Variants in CNTNAP4 observed in about 807,000 individuals in gnomAD.
The protein encoded by CNTNAP4 is contactin-associated protein-like 4.
In CNTNAP4, 98 loss-of-function variants were observed where a neutral mutation model predicts 148.4. The ratio of observed to expected loss-of-function variants is 0.66; its 90% CI spans 0.56 to 0.78. The LOEUF is 0.78. CNTNAP4 is among the 30% of genes least tolerant of loss of function. The pLI is 0.00. For synonymous variants in CNTNAP4, 730 were observed against 565.1 expected (o/e 1.29, Z -4.14); for missense variants, 1,935 against 1,565.6 (o/e 1.24, Z -3.98).
intron 3 of CNTNAP4, among the ~76,000 whole-genome samples, chr16:76,371,724 T>C (rs2014846753): frequency 6.6e-6 from 1 of 152,232 alleles, no homozygotes; most frequent in Non-Finnish European, 1.5e-5. Context: ...ATTTCACTGA[T>C]GGTTTCCTTG....
chr16:76,404,465 G>C (rs7205910), intron 3 of CNTNAP4, among the ~76,000 whole-genome samples: 3,817 of 151,696 alleles, frequency 0.025, 132 homozygotes, highest in African/African-American at 0.078. Flanking sequence ...CACACAAAGA[G>C]GTCAATATTG....
chr16:76,555,766 T>G (rs1361488717), intron 23 of CNTNAP4, among the ~76,000 whole-genome samples: 1 of 152,238 alleles, frequency 6.6e-6, no homozygotes, highest in Non-Finnish European at 1.5e-5. Context: ...TGTGAAATTC[T>G]CACTTAGCTC....
rs1405619076 is a variant in CNTNAP4 at position 76,539,715 on chromosome 16, C to G, written c.3221-4C>G. On this transcript the variant is annotated splice_polypyrimidine_tract_variant and splice_region_variant and intron_variant, in intron 19 of 23. Coordinates refer to ENST00000611870, the MANE Select transcript of CNTNAP4 (RefSeq NM_033401.5). ...AAAAGAATCACAATTTTTCCCCACT[C>G]TAGGAAGTTTGCAGATCAGGTACAA... 1 of 1,588,888 alleles carries G rather than the reference C, an allele frequency of 6.3e-7. No homozygotes were observed. Among genetic ancestry groups the G allele is most frequent in the Non-Finnish European group, 8.5e-7 (1 of 1,172,060 alleles).
chr16:76,524,878 C>G (rs1161083061), intron 17 of CNTNAP4, among the ~76,000 whole-genome samples: 1 of 151,930 alleles, frequency 6.6e-6, no homozygotes, highest in African/African-American at 2.4e-5. Context: ...TAATAAAAAT[C>G]TGTTTATGCA....
intron 12 of CNTNAP4, among the ~76,000 whole-genome samples, chr16:76,482,771 G>A (rs190232239): frequency 1.3e-5 from 2 of 152,288 alleles, no homozygotes; most frequent in African/African-American, 4.8e-5. Flanking sequence ...CAAATGCCCA[G>A]ACAGCACTGC....
At chr16:76,388,530 A>G (rs376393098) in intron 3 of CNTNAP4, among the ~76,000 whole-genome samples, 2 of 152,246 alleles carry the variant, frequency 1.3e-5, no homozygotes, top group Non-Finnish European at 2.9e-5. Flanking sequence ...CAATTCACAC[A>G]AGGTAAAATG....
At chr16:76,441,389 C>A (rs1018100610) in intron 4 of CNTNAP4, among the ~76,000 whole-genome samples, 2 of 152,140 alleles carry the variant, frequency 1.3e-5, no homozygotes, top group African/African-American at 4.8e-5. Flanking sequence ...GCTCTTAATT[C>A]CATGGCAGAT....
intron 20 of CNTNAP4, among the ~76,000 whole-genome samples, chr16:76,540,124 T>C (rs2084386902): frequency 6.6e-6 from 1 of 152,174 alleles, no homozygotes; most frequent in Admixed American, 6.5e-5. Context: ...GGTAGGACCA[T>C]TGCTATGCTA....
chr16:76,515,619 G>T (rs976460511), intron 15 of CNTNAP4, among the ~76,000 whole-genome samples: 3 of 152,156 alleles, frequency 2.0e-5, no homozygotes, highest in Non-Finnish European at 4.4e-5. Context: ...GTGAGATTTT[G>T]TTATGGCAGC....
At chr16:76,327,226 C>G (rs918465516) in intron 2 of CNTNAP4, among the ~76,000 whole-genome samples, 1 of 152,122 alleles carries the variant, frequency 6.6e-6, no homozygotes, top group Admixed American at 6.6e-5. Flanking sequence ...TCTTGTATTC[C>G]TCAGTGTCTT....
At position 76,316,417 on chromosome 16, in the gene CNTNAP4, C is replaced by G; in HGVS notation, c.90C>G (p.Asp30Glu). 6.2e-7 allele frequency: 1 copy of G among 1,612,106 alleles called. No individual in the cohort carries two copies. Among genetic ancestry groups the G allele is most frequent in the Middle Eastern group, 1.7e-4 (1 of 6,058 alleles). The stretch of plus-strand genomic sequence containing the variant: ...TGGCATTGTTCCTCCTGGCAGATGA[C>G]TGTGATGATCCTCTTGTGTCTGCCT... The part of the protein sequence containing the change: ...WNRVEAGNSY[D>E]CDDPLVSALP... The change falls in exon 2 of 24, where the codon GAC becomes GAG. Residue 30 changes from aspartate to glutamate, a missense_variant. Asp to Glu is a conservative substitution (Grantham distance 45, BLOSUM62 2). Coordinates refer to ENST00000611870, the MANE Select transcript of CNTNAP4 (RefSeq NM_033401.5).
chr16:76,328,720 A>G (rs988624442), intron 2 of CNTNAP4, among the ~76,000 whole-genome samples: 1 of 151,958 alleles, frequency 6.6e-6, no homozygotes, highest in Non-Finnish European at 1.5e-5. Flanking sequence ...ATCTTGGCTC[A>G]CTGCAACCTC....
chr16:76,282,391 A>G (rs954499513), intron 1 of CNTNAP4, among the ~76,000 whole-genome samples: 5 of 151,964 alleles, frequency 3.3e-5, no homozygotes, highest in African/African-American at 9.7e-5. Context: ...TATAAGTTCA[A>G]TTAACTGTAC....
chr16:76,373,057 T>C (rs555795258), intron 3 of CNTNAP4, among the ~76,000 whole-genome samples: 94 of 152,318 alleles, frequency 6.2e-4, no homozygotes, highest in African/African-American at 2.2e-3. Flanking sequence ...CAGGGGTCAC[T>C]GTACAAACTG....
At chr16:76,408,684 C>G (rs1421331918) in intron 3 of CNTNAP4, among the ~76,000 whole-genome samples, 1 of 151,946 alleles carries the variant, frequency 6.6e-6, no homozygotes, top group African/African-American at 2.4e-5. Context: ...TTTATTTGCA[C>G]CATCAAATAA....
At chr16:76,502,309 G>A (rs946393609) in intron 15 of CNTNAP4, among the ~76,000 whole-genome samples, 3 of 151,732 alleles carry the variant, frequency 2.0e-5, no homozygotes, top group African/African-American at 7.3e-5. Flanking sequence ...CTTCAGAACA[G>A]CGAATACTCC....
intron 17 of CNTNAP4, among the ~76,000 whole-genome samples, chr16:76,527,376 A>G (rs1418368934): frequency 2.0e-5 from 3 of 152,150 alleles, no homozygotes; most frequent in African/African-American, 7.2e-5. Flanking sequence ...TCAATCCAAT[A>G]TAATTGATTT....
chr16:76,445,173 G>C (rs1331842017), intron 4 of CNTNAP4, among the ~76,000 whole-genome samples: 2 of 152,154 alleles, frequency 1.3e-5, no homozygotes, highest in Non-Finnish European at 2.9e-5. Context: ...AGGGTGGCAA[G>C]ATTACTGATT....
intron 3 of CNTNAP4, among the ~76,000 whole-genome samples, chr16:76,394,460 C>T (rs575824742): frequency 6.6e-6 from 1 of 152,198 alleles, no homozygotes; most frequent in South Asian, 2.1e-4. Context: ...ATTATAATTA[C>T]AAAATGATTT....
Sources: allele counts gnomAD v4.1 joint callset (sites outside exome capture counted in the v4.1 genomes callset), GRCh38; gene constraint gnomAD v4.1.1; transcripts MANE v1.5; gene names NCBI Gene and HGNC (gene_info 2026-07-23, HGNC 2026-07-21).